Variants in GNAQ observed in about 807,000 individuals in gnomAD.
The protein encoded by GNAQ is G protein subunit alpha q.
Under a neutral mutation model 43.9 loss-of-function variants are expected in GNAQ, and 8 were observed. The ratio of observed to expected loss-of-function variants is 0.18; its 90% CI spans 0.11 to 0.33. The LOEUF (loss-of-function observed/expected upper bound fraction) is 0.33, where lower values mean the gene tolerates loss of function less well. Ranked by LOEUF, GNAQ falls within the 10% of genes least tolerant of loss-of-function variation. GNAQ has a pLI of 1.00. For synonymous variants in GNAQ, 155 were observed against 170.7 expected (o/e 0.91, Z 0.71); for missense variants, 158 against 450.8 (o/e 0.35, Z 5.88).
At chr9:77,877,784 C>A (rs556842446) in intron 2 of GNAQ, among the ~76,000 whole-genome samples, 32 of 152,216 alleles carry the variant, frequency 2.1e-4, no homozygotes, top group Non-Finnish European at 4.3e-4. Context: ...GCATGGCAAA[C>A]AACGCAGACC....
intron 5 of GNAQ, among the ~76,000 whole-genome samples, chr9:77,764,549 G>A (rs993032392): frequency 4.0e-5 from 6 of 151,514 alleles, no homozygotes; most frequent in Admixed American, 2.6e-4. Flanking sequence ...TCTGCCTCCC[G>A]GGTTCACGCT....
intron 2 of GNAQ, among the ~76,000 whole-genome samples, chr9:77,902,072 C>T (rs991380404): frequency 1.3e-5 from 2 of 152,200 alleles, no homozygotes; most frequent in Non-Finnish European, 2.9e-5. Context: ...GACACACATT[C>T]ACACCATAAC....
At chr9:77,860,811 T>C (rs895523677) in intron 2 of GNAQ, among the ~76,000 whole-genome samples, 1 of 152,136 alleles carries the variant, frequency 6.6e-6, no homozygotes, top group African/African-American at 2.4e-5. Context: ...AGGCTAGATG[T>C]ACTCCCAGCT....
chr9:77,743,481 C>A (rs1232090434), intron 5 of GNAQ, among the ~76,000 whole-genome samples: 3 of 152,080 alleles, frequency 2.0e-5, no homozygotes, highest in Admixed American at 2.0e-4. Flanking sequence ...GAGAAGGGAT[C>A]AGAACCAATT....
At position 78,026,278 on chromosome 9, in the gene GNAQ, C is replaced by G. The variant is rs1329854234; in HGVS notation, c.136+4822G>C. ...AAGGATGGGACATTATATGGAGATCCAGACGATGAATCTACGTAGTTCAAT... is the reference window on the plus strand; with the variant it reads ...AAGGATGGGACATTATATGGAGATCGAGACGATGAATCTACGTAGTTCAAT... On this transcript the variant is annotated intron_variant, in intron 1 of 6. Coordinates refer to ENST00000286548, the MANE Select transcript of GNAQ (RefSeq NM_002072.5). Among the ~76,000 whole-genome samples, 3 of 152,088 alleles carry G rather than the reference C, an allele frequency of 2.0e-5. No individual in the cohort carries two copies. In the East Asian group the frequency reaches 5.8e-4, roughly 29 times the overall value.
At chr9:77,795,161 A>G (rs576233837) in intron 4 of GNAQ, among the ~76,000 whole-genome samples, 3 of 152,272 alleles carry the variant, frequency 2.0e-5, no homozygotes, top group East Asian at 1.9e-4. Context: ...CCCAATATTG[A>G]TAAGAATTTG....
intron 1 of GNAQ, among the ~76,000 whole-genome samples, chr9:77,941,765 G>A (rs149720463): frequency 4.0e-4 from 61 of 152,226 alleles, no homozygotes; most frequent in African/African-American, 1.3e-3. Flanking sequence ...GAGAGACTAC[G>A]CAACTAGGAG....
At chr9:77,761,218 T>A (rs1281535792) in intron 5 of GNAQ, among the ~76,000 whole-genome samples, 2 of 125,954 alleles carry the variant, frequency 1.6e-5, no homozygotes, top group Admixed American at 7.8e-5. Flanking sequence ...CAGCTGCCCC[T>A]ACTGGGAAGT....
chr9:77,766,462 A>C (rs1269610754), intron 5 of GNAQ, among the ~76,000 whole-genome samples: 5 of 152,230 alleles, frequency 3.3e-5, no homozygotes, highest in Admixed American at 2.6e-4. Flanking sequence ...GGAGAAAGAA[A>C]ATAAACTCCT....
intron 2 of GNAQ, among the ~76,000 whole-genome samples, chr9:77,853,847 C>T (rs1057510231): frequency 4.1e-5 from 6 of 147,910 alleles, no homozygotes; most frequent in African/African-American, 1.5e-4. Context: ...TACCTTATAT[C>T]CACCCTGTCC....
chr9:77,986,912 C>A lies in GNAQ; in HGVS notation c.136+44188G>T, dbSNP rs933822978. Among the ~76,000 whole-genome samples, 8 of 150,550 alleles carry A rather than the reference C, an allele frequency of 5.3e-5. No homozygotes were observed. The Admixed American group carries it at 5.3e-4, about 10-fold the overall frequency. ...ACTGTTCTCTACTTGTTTGGAAGCT[C>A]CATGAGGATAAAGATTTTATTCTTT... On this transcript the variant is annotated intron_variant, in intron 1 of 6. Transcript: ENST00000286548.
At chr9:77,970,226 A>C (rs182377334) in intron 1 of GNAQ, among the ~76,000 whole-genome samples, 2 of 148,230 alleles carry the variant, frequency 1.3e-5, no homozygotes, top group African/African-American at 5.0e-5. Context: ...TCTCCACAAA[A>C]AAAAAAAAAC....
chr9:78,030,625 T>C, intron 1 of GNAQ: 2 of 443,742 alleles, frequency 4.5e-6, no homozygotes, highest in Non-Finnish European at 9.5e-6. Flanking sequence ...CCGCAGGCCA[T>C]CCCCCAACGT....
intron 6 of GNAQ, among the ~76,000 whole-genome samples, chr9:77,723,658 A>T (rs1825353858): frequency 6.6e-6 from 1 of 152,242 alleles, no homozygotes; most frequent in South Asian, 2.1e-4. Context: ...GAACTGTGAG[A>T]ACATTATAAT....
chr9:77,771,743 T>G (rs944502825), intron 5 of GNAQ, among the ~76,000 whole-genome samples: 7 of 152,210 alleles, frequency 4.6e-5, no homozygotes, highest in African/African-American at 1.7e-4. Context: ...TGAGGTTGCA[T>G]GTCTGTGAAG....
intron 1 of GNAQ, among the ~76,000 whole-genome samples, chr9:77,965,611 T>C (rs1263261612): frequency 1.3e-5 from 2 of 152,070 alleles, no homozygotes; most frequent in Non-Finnish European, 2.9e-5. Context: ...CTCAACAACA[T>C]TAGTCATTAG....
intron 1 of GNAQ, among the ~76,000 whole-genome samples, chr9:78,028,703 T>C (rs986153132): frequency 7.2e-5 from 11 of 152,218 alleles, no homozygotes; most frequent in East Asian, 3.8e-4. Flanking sequence ...GTTTAAATGA[T>C]AGAAGGAACC....
At chr9:77,946,033 G>A (rs1316701811) in intron 1 of GNAQ, among the ~76,000 whole-genome samples, 3 of 152,190 alleles carry the variant, frequency 2.0e-5, no homozygotes, top group Non-Finnish European at 4.4e-5. Flanking sequence ...ACGAGAGCTT[G>A]ATAATCATTC....
intron 2 of GNAQ, among the ~76,000 whole-genome samples, chr9:77,863,393 T>C (rs1273089236): frequency 6.6e-6 from 1 of 152,162 alleles, no homozygotes; most frequent in African/African-American, 2.4e-5. Context: ...TCCCAACAAG[T>C]TCCTCATCTC....
Sources: gnomAD v4.1 joint callset for allele counts (sites outside exome capture counted in the v4.1 genomes callset) on GRCh38, gnomAD v4.1.1 for gene constraint, MANE v1.5 for transcripts, NCBI Gene and HGNC (gene_info 2026-07-23, HGNC 2026-07-21) for gene names.